KCNN2: variants seen among roughly 807,000 people sequenced by gnomAD.
KCNN2 encodes potassium calcium-activated channel subfamily N member 2.
Under a neutral mutation model 55.5 loss-of-function variants are expected in KCNN2, and 24 were observed. The ratio of observed to expected loss-of-function variants is 0.43; its 90% CI spans 0.31 to 0.61. The LOEUF (loss-of-function observed/expected upper bound fraction) is 0.61. KCNN2 is among the 20% of genes least tolerant of loss of function. KCNN2 has a pLI of 0.08. For missense variants in KCNN2, 754 were observed against 853.6 expected, an observed-to-expected ratio of 0.88 and a Z score of 1.45; for synonymous variants, 431 against 336.1, an observed-to-expected ratio of 1.28 and a Z score of -3.09.
chr5:114,379,995 C>T (rs1374569697), intron 2 of KCNN2, among the ~76,000 whole-genome samples: 1 of 150,746 alleles, frequency 6.6e-6, no homozygotes, highest in African/African-American at 2.4e-5. Flanking sequence ...ATGTCATTTA[C>T]ATAATTTATT....
intron 3 of KCNN2, among the ~76,000 whole-genome samples, chr5:114,409,000 G>T (rs1580801299): frequency 6.6e-6 from 1 of 152,104 alleles, no homozygotes; most frequent in Non-Finnish European, 1.5e-5. Flanking sequence ...GTACATAAAG[G>T]AAACAAATCT....
Position 114,115,800 on chromosome 5 carries a change from C to T in KCNN2, c.-271+59300C>T, listed in dbSNP as rs75421370. On this transcript the variant is annotated intron_variant, in intron 1 of 10. Transcript: ENST00000512097. ...CTTTTGGTGTTTGATACTAGATTTGCGAGGAATAAGCCACCCAGCTTTGTA... is the reference window on the plus strand; with the variant it reads ...CTTTTGGTGTTTGATACTAGATTTGTGAGGAATAAGCCACCCAGCTTTGTA... 9.8e-3 allele frequency among the ~76,000 whole-genome samples: 1,495 copies of T among 151,990 alleles called. 31 individuals carry two copies. Among genetic ancestry groups the T allele is most frequent in the African/African-American group, 0.034 (1,396 of 41,454 alleles).
intron 1 of KCNN2, among the ~76,000 whole-genome samples, chr5:114,066,793 A>T (rs1055260698): frequency 6.6e-6 from 1 of 152,042 alleles, no homozygotes; most frequent in African/African-American, 2.4e-5. Flanking sequence ...GTTGGCCAGG[A>T]TGGTCTCAAT....
chr5:114,371,886 A>G (rs1757768544), intron 2 of KCNN2, among the ~76,000 whole-genome samples: 1 of 152,126 alleles, frequency 6.6e-6, no homozygotes, highest in Non-Finnish European at 1.5e-5. Context: ...CTTCATCAAA[A>G]ATGCTATATT....
At chr5:114,177,877 G>A (rs1014854406) in intron 1 of KCNN2, among the ~76,000 whole-genome samples, 1 of 151,992 alleles carries the variant, frequency 6.6e-6, no homozygotes, top group Non-Finnish European at 1.5e-5. Context: ...ATTAGACATC[G>A]GATTAAATCA....
intron 5 of KCNN2, among the ~76,000 whole-genome samples, chr5:114,481,358 C>G (rs76813512): frequency 0.032 from 4,872 of 152,128 alleles, 150 homozygotes; most frequent in African/African-American, 0.073. Context: ...AGGACACAAA[C>G]AAATTGGGAA....
chr5:114,455,667 CA>C (rs1222304127), intron 3 of KCNN2, among the ~76,000 whole-genome samples: 2 of 152,172 alleles, frequency 1.3e-5, no homozygotes, highest in African/African-American at 4.8e-5. Flanking sequence ...CTTCTTATAC[CA>C]AACATTTATC....
At chr5:114,371,639 A>G (rs1289742496) in intron 2 of KCNN2, among the ~76,000 whole-genome samples, 3 of 152,214 alleles carry the variant, frequency 2.0e-5, no homozygotes, top group African/African-American at 4.8e-5. Context: ...GCATAAAAGA[A>G]TAAGTTCATT....
At chr5:114,345,586 C>T (rs1246191077) in intron 2 of KCNN2, among the ~76,000 whole-genome samples, 1 of 151,998 alleles carries the variant, frequency 6.6e-6, no homozygotes, top group Admixed American at 6.5e-5. Context: ...AGTTGGGGGG[C>T]AGAAAGAACC....
intron 1 of KCNN2, among the ~76,000 whole-genome samples, chr5:114,151,364 C>A (rs1752520384): frequency 6.6e-6 from 1 of 152,040 alleles, no homozygotes; most frequent in South Asian, 2.1e-4. Context: ...TTCTTTACTC[C>A]AGTGTGTTCT....
intron 2 of KCNN2, among the ~76,000 whole-genome samples, chr5:114,379,465 ACATATTATATATTTATAGAATATAT>A (rs1758038042): frequency 8.2e-6 from 1 of 121,566 alleles, no homozygotes; most frequent in African/African-American, 2.7e-5. Flanking sequence ...ATATTATATA[ACATATTATATATTTATAGAATATAT>A]TATATAACAT....
At chr5:114,396,421 A>T (rs1758618889) in intron 2 of KCNN2, among the ~76,000 whole-genome samples, 1 of 151,862 alleles carries the variant, frequency 6.6e-6, no homozygotes, top group Non-Finnish European at 1.5e-5. Context: ...TATTAAATGG[A>T]TATTTTTAAA....
intron 1 of KCNN2, among the ~76,000 whole-genome samples, chr5:114,097,734 C>T (rs1580509932): frequency 6.6e-6 from 1 of 152,084 alleles, no homozygotes; most frequent in Admixed American, 6.6e-5. Flanking sequence ...ACTTCTATTC[C>T]ATCTTAAGCT....
At chr5:114,271,151 G>T (rs760192417) in intron 2 of KCNN2, among the ~76,000 whole-genome samples, 4 of 152,206 alleles carry the variant, frequency 2.6e-5, no homozygotes, top group Admixed American at 2.6e-4. Flanking sequence ...GTTTTACAGA[G>T]TGCTGATTGG....
intron 2 of KCNN2, among the ~76,000 whole-genome samples, chr5:114,284,898 A>G (rs1755704262): frequency 6.6e-6 from 1 of 152,098 alleles, no homozygotes; most frequent in Non-Finnish European, 1.5e-5. Context: ...GAAAACAGAC[A>G]AACTTTCCAG....
At chr5:114,490,927 T>A (rs1747816393) in intron 6 of KCNN2, among the ~76,000 whole-genome samples, 1 of 152,174 alleles carries the variant, frequency 6.6e-6, no homozygotes, top group Admixed American at 6.5e-5. Flanking sequence ...GCATGTTACC[T>A]TTTATTCTGG....
chr5:114,091,489 T>C (rs1379338975), intron 1 of KCNN2, among the ~76,000 whole-genome samples: 1 of 152,192 alleles, frequency 6.6e-6, no homozygotes, highest in Non-Finnish European at 1.5e-5. Context: ...GCTGAAGTCT[T>C]AGATCCAGCC....
At chr5:114,147,993 C>A (rs1311474855) in intron 1 of KCNN2, among the ~76,000 whole-genome samples, 1 of 152,004 alleles carries the variant, frequency 6.6e-6, no homozygotes, top group South Asian at 2.1e-4. Flanking sequence ...ATCCACATAA[C>A]GAAGAATGTA....
At chr5:114,491,012 A>T (rs956015632) in intron 6 of KCNN2, among the ~76,000 whole-genome samples, 1 of 152,306 alleles carries the variant, frequency 6.6e-6, no homozygotes, top group East Asian at 1.9e-4. Flanking sequence ...ACAACAAGAC[A>T]AGATGATTCA....
Sources: allele counts gnomAD v4.1 joint callset (sites outside exome capture counted in the v4.1 genomes callset), GRCh38; gene constraint gnomAD v4.1.1; transcripts MANE v1.5; gene names NCBI Gene and HGNC (gene_info 2026-07-23, HGNC 2026-07-21).